The following TMEM87A variants were observed in gnomAD, a reference collection of about 807,000 sequenced individuals.
TMEM87A encodes transmembrane protein 87A, also known as Golgi-pH regulating cation channel.
A neutral mutation model predicts 90.0 loss-of-function variants in TMEM87A; 50 were observed. The observed-to-expected ratio is 0.56, with a 90% CI of 0.44 to 0.70. The LOEUF is 0.70. Among genes scored for constraint, TMEM87A ranks in the 30% least tolerant of loss-of-function variants. TMEM87A has a pLI of 0.00. For synonymous variants in TMEM87A, 226 were observed against 226.7 expected, an observed-to-expected ratio of 1.00 and a Z score of 0.03; for missense variants, 577 against 660.5, an observed-to-expected ratio of 0.87 and a Z score of 1.39.
intron 14 of TMEM87A, chr15:42,227,480 C>T (rs138776193): frequency 1.4e-5 from 6 of 424,646 alleles, no homozygotes; most frequent in Non-Finnish European, 2.5e-5. Context: ...TTACAAAATT[C>T]TCTCCCAAAA....
chr15:42,256,746 G>C (rs1381476209), intron 6 of TMEM87A, among the ~76,000 whole-genome samples: 2 of 152,108 alleles, frequency 1.3e-5, no homozygotes, highest in African/African-American at 2.4e-5. Context: ...TTTTAGAGAC[G>C]AGGTATGGCT....
intron 6 of TMEM87A, among the ~76,000 whole-genome samples, chr15:42,247,105 G>A (rs1301784282): frequency 2.0e-5 from 3 of 152,178 alleles, no homozygotes; most frequent in South Asian, 2.1e-4. Context: ...TCTGAAAAGT[G>A]TCTGTTCATA....
intron 15 of TMEM87A, among the ~76,000 whole-genome samples, chr15:42,223,772 A>G (rs1024446238): frequency 2.0e-5 from 3 of 152,226 alleles, no homozygotes; most frequent in African/African-American, 7.2e-5. Flanking sequence ...AAAATAAGCT[A>G]AAGATCCAAC....
At position 42,233,201 on chromosome 15, in the gene TMEM87A, A is replaced by C; in HGVS notation, c.1062+12T>G. 5 of 1,602,238 alleles carry C rather than the reference A, an allele frequency of 3.1e-6. No homozygotes were observed. The highest frequency in any genetic ancestry group is 4.3e-6 in the Non-Finnish European group (5 of 1,169,344). On this transcript the variant is annotated intron_variant, in intron 11 of 19. Transcript: ENST00000389834. ...GAACTGACCACAGAAAATGAGATTA[A>C]GCAGTACTAACCCCAGTAACTCTGA...
rs564802252 is a variant in TMEM87A, at chr15:42,267,219, C to T, written c.291+728G>A. On this transcript the variant is annotated intron_variant, in intron 3 of 19. Transcript: ENST00000389834. ...AAAATGTATATAATTCAGTCAACTG[C>T]TATTTTCTAAATGACCAATAAATGA... Among the ~76,000 whole-genome samples the T allele has an allele frequency of 1.6e-3, 244 of 152,252 alleles. 2 individuals are homozygous for T. The highest frequency in any genetic ancestry group is 5.7e-3 in the African/African-American group (235 of 41,542).
chr15:42,252,751 T>A (rs56407890), intron 6 of TMEM87A, among the ~76,000 whole-genome samples: 1 of 152,286 alleles, frequency 6.6e-6, no homozygotes, highest in Non-Finnish European at 1.5e-5. Flanking sequence ...TTTAAGACAG[T>A]TCACTTAAAA....
chr15:42,211,737 T>C lies in TMEM87A; in HGVS notation c.1639A>G (p.Thr547Ala), dbSNP rs776931264. 6.2e-7 allele frequency: 1 copy of C among 1,612,224 alleles called. No individual in the cohort carries two copies. The highest frequency in any genetic ancestry group is 2.2e-5 in the East Asian group (1 of 44,846). Residue 547 changes from threonine to alanine, a missense_variant, in exon 20 of 20, where the codon ACA becomes GCA. Physicochemically the swap from Thr to Ala is moderately conservative, Grantham distance 58 (BLOSUM62 0). Coordinates refer to ENST00000389834, the MANE Select transcript of TMEM87A (RefSeq NM_015497.5). ...LLDSDEERMI[T>A]HFERSKME ...TCCATTTTGGACCTTTCAAAGTGTG[T>C]GATCATTCGTTCCTAGGGAAAAAAA...
chr15:42,214,035 T>G (rs944822654), intron 19 of TMEM87A, among the ~76,000 whole-genome samples: 5 of 152,080 alleles, frequency 3.3e-5, no homozygotes, highest in African/African-American at 1.2e-4. Context: ...TTTAAAAATA[T>G]GCCAAGAAAC....
At chr15:42,261,108 C>T (rs939934997) in intron 5 of TMEM87A, 88 bp downstream of exon 5, 6 of 1,547,792 alleles carry the variant, frequency 3.9e-6, no homozygotes, top group African/African-American at 1.4e-5. Flanking sequence ...TGCAGCACTC[C>T]CTCCTTAGAG....
intron 15 of TMEM87A, among the ~76,000 whole-genome samples, chr15:42,222,772 C>A (rs1403281231): frequency 6.6e-6 from 1 of 151,946 alleles, no homozygotes; most frequent in Non-Finnish European, 1.5e-5. Flanking sequence ...GTTGGTCCGG[C>A]TGGTCTCGAA....
intron 6 of TMEM87A, among the ~76,000 whole-genome samples, chr15:42,254,939 A>G (rs551970503): frequency 1.3e-4 from 19 of 150,304 alleles, no homozygotes; most frequent in African/African-American, 4.6e-4. Context: ...GTGTATAGGT[A>G]TAGACACAGC....
In TMEM87A at chr15:42,230,681, G is replaced by C. The variant is rs143605570; in HGVS notation, c.1131+511C>G. Among the ~76,000 whole-genome samples, 101 of 152,268 alleles carry C rather than the reference G, an allele frequency of 6.6e-4. 1 individual carries two copies. In the East Asian group the frequency reaches 0.017, roughly 26 times the overall value. ...TTCAAACAATTCCAAGCCAGCTTTT[G>C]AATGAGGCAAGAAAACACTCACTCC... On this transcript the variant is annotated intron_variant, in intron 12 of 19. Transcript: ENST00000389834.
chr15:42,229,548 T>TCTGTCCAG (rs1353336824), intron 12 of TMEM87A, among the ~76,000 whole-genome samples: 1 of 151,930 alleles, frequency 6.6e-6, no homozygotes, highest in Non-Finnish European at 1.5e-5. Context: ...TCTGTTCTCA[T>TCTGTCCAG]CTGTCCAGCA....
At chr15:42,260,921 T>C in intron 6 of TMEM87A, 37 bp downstream of exon 6, 3 of 1,589,822 alleles carry the variant, frequency 1.9e-6, no homozygotes, top group Non-Finnish European at 2.6e-6. Flanking sequence ...AAAACTAAAA[T>C]ATGTGTTCAA....
In TMEM87A at chr15:42,235,727, T is replaced by A. The variant is rs986993972; in HGVS notation, c.968+593A>T. ...TGTCATTAAGTGAAGCCCTCCTTGA[T>A]CACCCTATGTACAACTGCAAGCTCT... On this transcript the variant is annotated intron_variant, in intron 10 of 19. Transcript: ENST00000389834. Among the ~76,000 whole-genome samples, 4 of 152,192 alleles carry A rather than the reference T, an allele frequency of 2.6e-5. No homozygotes were observed. The East Asian group carries it at 7.7e-4, about 29-fold the overall frequency.
intron 6 of TMEM87A, among the ~76,000 whole-genome samples, chr15:42,253,849 C>T (rs951151254): frequency 2.6e-5 from 4 of 152,166 alleles, no homozygotes; most frequent in African/African-American, 7.2e-5. Context: ...CTGGACCTCA[C>T]TACTCCACAA....
intron 10 of TMEM87A, among the ~76,000 whole-genome samples, chr15:42,235,536 T>C (rs776393007): frequency 1.3e-5 from 2 of 152,192 alleles, no homozygotes; most frequent in Admixed American, 6.5e-5. Context: ...ATCAAAACAA[T>C]TGGCATCATC....
chr15:42,237,410 C>G (rs1343456002), intron 9 of TMEM87A, 22 bp downstream of exon 9: 1 of 1,610,694 alleles, frequency 6.2e-7, no homozygotes, highest in Non-Finnish European at 8.5e-7. Flanking sequence ...CTCGAACTGG[C>G]AAAGATTTTC....
At chr15:42,224,724 A>G (rs2050558371) in intron 15 of TMEM87A, among the ~76,000 whole-genome samples, 1 of 152,268 alleles carries the variant, frequency 6.6e-6, no homozygotes, top group South Asian at 2.1e-4. Flanking sequence ...TATTTATGCT[A>G]TCCATGAAAA....
Sources: allele counts gnomAD v4.1 joint callset (sites outside exome capture counted in the v4.1 genomes callset), GRCh38; gene constraint gnomAD v4.1.1; transcripts MANE v1.5; gene names NCBI Gene and HGNC (gene_info 2026-07-23, HGNC 2026-07-21).